The following ARTN variants were observed in gnomAD, a reference collection of about 807,000 sequenced individuals.
ARTN encodes artemin.
ARTN carries 9 observed loss-of-function variants against 15.4 expected under a neutral mutation model. That is an observed-to-expected ratio of 0.58 (90% CI 0.35 to 1.02). The LOEUF (loss-of-function observed/expected upper bound fraction) is 1.02. ARTN is among the 50% of genes least tolerant of loss of function. The pLI is 0.02. For synonymous variants in ARTN, 163 were observed against 155.8 expected (o/e 1.05, Z -0.35); for missense variants, 284 against 327.9 (o/e 0.87, Z 1.03).
Position 43,936,508 on chromosome 1 carries a change from G to T in ARTN, c.406G>T (p.Gly136Cys). The T allele has an allele frequency of 7.1e-7, 1 of 1,414,292 alleles. No homozygotes were observed. The highest frequency in any genetic ancestry group is 3.0e-5 in the Admixed American group (1 of 33,594). The allele number at this position is 1,414,292 out of a possible 1,614,324, so 87.6% of individuals were successfully genotyped here. A position where few individuals can be genotyped will look rare whatever the true frequency, so the allele number is the denominator to read the frequency against. ...GCAGCTGGTGCCGGTGCGCGCGCTCGGCCTGGGCCACCGCTCCGACGAGCT... is the reference window on the plus strand; with the variant it reads ...GCAGCTGGTGCCGGTGCGCGCGCTCTGCCTGGGCCACCGCTCCGACGAGCT... ...RSQLVPVRAL[G>C]LGHRSDELVR... The change falls in exon 5 of 5, where the codon GGC becomes TGC. Residue 136 changes from glycine to cysteine, a missense_variant. Physicochemically the swap from Gly to Cys is radical, Grantham distance 159 (BLOSUM62 -3). Transcript: ENST00000372359. This position sits in a 1 kb window ranked among gnomAD's most constrained non-coding sequence, Gnocchi z 6.6.
Position 43,936,351 on chromosome 1 carries a change from G to A in ARTN, c.249G>A (p.Pro83=), listed in dbSNP as rs1453533292. The change falls in exon 5 of 5, where the codon CCG becomes CCA. Residue 83 remains proline, a synonymous_variant. Transcript: ENST00000372359. The surrounding 1 kb of genome is among the most constrained non-coding windows in gnomAD (Gnocchi z 6.6). ...WCSGRARRPP[P]QPSRPAPPPP... is the part of the protein sequence containing the mutation. ...GTGGAAGAGCCCGGCGGCCGCCGCC[G>A]CAGCCTTCTCGGCCCGCGCCCCCGC... The A allele has an allele frequency of 3.0e-6, 4 of 1,319,156 alleles. No homozygotes were observed. Among genetic ancestry groups the A allele is most frequent in the Non-Finnish European group, 3.8e-6 (4 of 1,040,560 alleles). The allele number at this position is 1,319,156 out of a possible 1,614,324, so 81.7% of individuals were successfully genotyped here.
rs1390636062 is a variant in ARTN at position 43,936,281 on chromosome 1, C to T, written c.200-21C>T. The T allele has an allele frequency of 3.6e-6, 5 of 1,383,090 alleles. No homozygotes were observed. Among genetic ancestry groups the T allele is most frequent in the Non-Finnish European group, 4.6e-6 (5 of 1,078,484 alleles). The allele number at this position is 1,383,090 out of a possible 1,614,324, so 85.7% of individuals were successfully genotyped here. On this transcript the variant is annotated intron_variant, in intron 4 of 4. Transcript: ENST00000372359. The surrounding 1 kb of genome is among the most constrained non-coding windows in gnomAD (Gnocchi z 6.6). Reference sequence around the variant, plus strand: ...GGCGGGGCTGGCCCGGGACACCGCGCGTGACTGGGTCTCATTCCAGGGGGA... The same window carrying T: ...GGCGGGGCTGGCCCGGGACACCGCGTGTGACTGGGTCTCATTCCAGGGGGA...
intron 3 of ARTN, 137 bp downstream of exon 3, chr1:43,935,853 G>A: frequency 1.1e-6 from 1 of 945,548 alleles, no homozygotes; most frequent in Non-Finnish European, 1.6e-6. Flanking sequence ...TGAATGGGAG[G>A]AGGAGCGGGA....
In ARTN at chr1:43,936,788, G is replaced by T; in HGVS notation, c.*23G>T. On this transcript the variant is annotated 3_prime_UTR_variant, in exon 5 of 5. Transcript: ENST00000372359. This position sits in a 1 kb window ranked among gnomAD's most constrained non-coding sequence, Gnocchi z 6.6. ...TGAGGGCTCGCTCCAGGGCTTTGCAGACTGGACCCTTACCGGTGGCTCTTC... is the reference window on the plus strand; with the variant it reads ...TGAGGGCTCGCTCCAGGGCTTTGCATACTGGACCCTTACCGGTGGCTCTTC... 1.4e-6 allele frequency: 2 copies of T among 1,421,004 alleles called. No homozygotes were observed. Among genetic ancestry groups the T allele is most frequent in the South Asian group, 1.6e-5 (1 of 62,530 alleles). The allele number at this position is 1,421,004 out of a possible 1,614,324, so 88.0% of individuals were successfully genotyped here. A position where few individuals can be genotyped will look rare whatever the true frequency, so the allele number is the denominator to read the frequency against.
At position 43,936,857 on chromosome 1, in the gene ARTN, A is replaced by G; in HGVS notation, c.*92A>G. On this transcript the variant is annotated 3_prime_UTR_variant, in exon 5 of 5. Coordinates refer to ENST00000372359, the MANE Select transcript of ARTN (RefSeq NM_057091.3). The surrounding 1 kb of genome is among the most constrained non-coding windows in gnomAD (Gnocchi z 6.6). ...CAGAGTCCCACTAGCCAGCGGCCTC[A>G]GCCAGGGACGAAGGCCTCAAAGCTG... 1 of 1,321,266 alleles carries G rather than the reference A, an allele frequency of 7.6e-7. No individual in the cohort carries two copies. The highest frequency in any genetic ancestry group is 9.7e-7 in the Non-Finnish European group (1 of 1,030,494). 81.8% of individuals were successfully genotyped at this position (1,321,266 alleles called of 1,614,324 possible).
In ARTN at chr1:43,935,725, T is replaced by C. The variant is rs759199705; in HGVS notation, c.60+9T>C. ...CCTGGCCTAGGCAGCAGGTGAGTGG[T>C]TCTCCCAGTGACTCCTACCTGGTAC... On this transcript the variant is annotated intron_variant, in intron 3 of 4. Coordinates refer to ENST00000372359, the MANE Select transcript of ARTN (RefSeq NM_057091.3). 8.1e-5 allele frequency: 130 copies of C among 1,608,098 alleles called. No homozygotes were observed. The highest frequency in any genetic ancestry group is 1.1e-4 in the Non-Finnish European group (128 of 1,177,458).
intron 2 of ARTN, among the ~76,000 whole-genome samples, chr1:43,934,806 A>C (rs1218418276): frequency 6.6e-6 from 1 of 152,072 alleles, no homozygotes; most frequent in Non-Finnish European, 1.5e-5. Context: ...GCTCTCAGAG[A>C]CCAGGCTGGT....
rs574983049 is a variant in ARTN at position 43,935,861 on chromosome 1, G to A, written c.60+145G>A. The stretch of plus-strand genomic sequence containing the variant: ...GACCAGGTGAATGGGAGGAGGAGCG[G>A]GACTTCTCTGAATGGTCGGTGCACT... On this transcript the variant is annotated intron_variant, in intron 3 of 4. Coordinates refer to ENST00000372359, the MANE Select transcript of ARTN (RefSeq NM_057091.3). The A allele has an allele frequency of 8.7e-6, 8 of 923,138 alleles. No homozygotes were observed. The Admixed American group carries it at 1.7e-4, about 20-fold the overall frequency. The allele number at this position is 923,138 out of a possible 1,614,324, so 57.2% of individuals were successfully genotyped here.
intron 2 of ARTN, 190 bp downstream of exon 2, chr1:43,934,450 C>G (rs563584112): frequency 6.6e-6 from 1 of 152,590 alleles, no homozygotes; most frequent in South Asian, 2.1e-4. Context: ...ACTGGCCTGG[C>G]TCGGAGGCCT....
At chr1:43,935,792 G>T (rs2085085123) in intron 3 of ARTN, 76 bp downstream of exon 3, 2 of 1,433,808 alleles carry the variant, frequency 1.4e-6, no homozygotes, top group Non-Finnish European at 1.9e-6. Flanking sequence ...GCAGGGCTTG[G>T]CTTGGGCAGC....
At position 43,936,488 on chromosome 1, in the gene ARTN, T is replaced by A; in HGVS notation, c.386T>A (p.Leu129Gln). Residue 129 changes from leucine (L) to glutamine (Q), a missense_variant, in exon 5 of 5, where the codon CTG becomes CAG. Physicochemically the swap from Leu to Gln is moderately radical, Grantham distance 113. Coordinates refer to ENST00000372359, the MANE Select transcript of ARTN (RefSeq NM_057091.3). This position sits in a 1 kb window ranked among gnomAD's most constrained non-coding sequence, Gnocchi z 6.6. Reference sequence around the variant, plus strand: ...CGGGGCTGCCGCCTGCGCTCGCAGCTGGTGCCGGTGCGCGCGCTCGGCCTG... The same window carrying A: ...CGGGGCTGCCGCCTGCGCTCGCAGCAGGTGCCGGTGCGCGCGCTCGGCCTG... ...GARGCRLRSQ[L>Q]VPVRALGLGH... The A allele has an allele frequency of 7.5e-7, 1 of 1,328,288 alleles. No individual in the cohort carries two copies. Among genetic ancestry groups the A allele is most frequent in the Non-Finnish European group, 9.6e-7 (1 of 1,039,938 alleles). 82.3% of individuals were successfully genotyped at this position (1,328,288 alleles called of 1,614,324 possible). A position where few individuals can be genotyped will look rare whatever the true frequency, so the allele number is the denominator to read the frequency against.
intron 2 of ARTN, among the ~76,000 whole-genome samples, chr1:43,934,861 G>A (rs2085074420): frequency 6.6e-6 from 1 of 152,198 alleles, no homozygotes; most frequent in East Asian, 1.9e-4. Flanking sequence ...AGGCCTGAGT[G>A]TAGCTGAGGG....
chr1:43,936,508 G>C lies in ARTN; in HGVS notation c.406G>C (p.Gly136Arg), dbSNP rs1402444946. 1 of 1,414,292 alleles carries C rather than the reference G, an allele frequency of 7.1e-7. No homozygotes were observed. Among genetic ancestry groups the C allele is most frequent in the East Asian group, 3.1e-5 (1 of 32,474 alleles). The allele number at this position is 1,414,292 out of a possible 1,614,324, so 87.6% of individuals were successfully genotyped here. A position where few individuals can be genotyped will look rare whatever the true frequency, so the allele number is the denominator to read the frequency against. Residue 136 changes from glycine to arginine, a missense_variant, in exon 5 of 5, where the codon GGC becomes CGC. Coordinates refer to ENST00000372359, the MANE Select transcript of ARTN (RefSeq NM_057091.3). This position sits in a 1 kb window ranked among gnomAD's most constrained non-coding sequence, Gnocchi z 6.6. ...GCAGCTGGTGCCGGTGCGCGCGCTC[G>C]GCCTGGGCCACCGCTCCGACGAGCT... ...RSQLVPVRALGLGHRSDELVR... is the reference protein window; with the variant it reads ...RSQLVPVRALRLGHRSDELVR...
Position 43,936,449 on chromosome 1 carries a change from G to T in ARTN, c.347G>T (p.Arg116Leu). 1 of 1,152,362 alleles carries T rather than the reference G, an allele frequency of 8.7e-7. No individual in the cohort carries two copies. The highest frequency in any genetic ancestry group is 4.2e-5 in the South Asian group (1 of 23,712). The allele number at this position is 1,152,362 out of a possible 1,614,324, so 71.4% of individuals were successfully genotyped here. The change falls in exon 5 of 5, where the codon CGG (arginine) becomes CTG (leucine). Residue 116 changes from arginine (R) to leucine (L), a missense_variant. Physicochemically the swap from Arg to Leu is moderately radical, Grantham distance 102. Coordinates refer to ENST00000372359, the MANE Select transcript of ARTN (RefSeq NM_057091.3). The surrounding 1 kb of genome is among the most constrained non-coding windows in gnomAD (Gnocchi z 6.6). ...GCTGGGGGCCCGGGCAGCCGCGCTC[G>T]GGCAGCGGGGGCGCGGGGCTGCCGC... ...ARAGGPGSRA[R>L]AAGARGCRLR...
At position 43,936,204 on chromosome 1, in the gene ARTN, C is replaced by T. The variant is rs1238493019; in HGVS notation, c.172C>T (p.Leu58=). 5 of 1,497,580 alleles carry T rather than the reference C, an allele frequency of 3.3e-6. No homozygotes were observed. The highest frequency in any genetic ancestry group is 4.5e-5 in the Admixed American group (2 of 44,870). 92.8% of individuals were successfully genotyped at this position (1,497,580 alleles called of 1,614,324 possible). A position where few individuals can be genotyped will look rare whatever the true frequency, so the allele number is the denominator to read the frequency against. Residue 58 remains leucine, a synonymous_variant, in exon 4 of 5, where the codon CTG becomes TTG. Coordinates refer to ENST00000372359, the MANE Select transcript of ARTN (RefSeq NM_057091.3). The surrounding 1 kb of genome is among the most constrained non-coding windows in gnomAD (Gnocchi z 6.6). ...CCCCCGCGAAGGCCCCCCGCCTGTCCTGGCGTCCCCCGCCGGCCACCTGCC... is the reference window on the plus strand; with the variant it reads ...CCCCCGCGAAGGCCCCCCGCCTGTCTTGGCGTCCCCCGCCGGCCACCTGCC... The part of the protein sequence containing the change: ...PAPREGPPPV[L]ASPAGHLPGG...
rs1418161602 is a variant in ARTN, at chr1:43,936,124, C to T, written c.92C>T (p.Ala31Val). Reference protein sequence around the residue: ...PALWPTLAALALLSSVAEASL... With the variant: ...PALWPTLAALVLLSSVAEASL... The stretch of plus-strand genomic sequence containing the variant: ...CTGTGGCCCACCCTGGCCGCTCTGG[C>T]TCTGCTGAGCAGCGTCGCAGAGGCC... The change falls in exon 4 of 5, where the codon GCT becomes GTT. Residue 31 changes from alanine (A) to valine (V), a missense_variant. Coordinates refer to ENST00000372359, the MANE Select transcript of ARTN (RefSeq NM_057091.3). This position sits in a 1 kb window ranked among gnomAD's most constrained non-coding sequence, Gnocchi z 6.6. 2.5e-6 allele frequency: 4 copies of T among 1,606,580 alleles called. No homozygotes were observed. The African/African-American group carries it at 5.3e-5, about 21-fold the overall frequency.
At chr1:43,935,553 T>C (rs113785268) in intron 2 of ARTN, 37 bp from the exon 3 acceptor site, 56,327 of 1,227,464 alleles carry the variant, frequency 0.046, 1,689 homozygotes, top group East Asian at 0.14. Context: ...GGCAGGCCGG[T>C]CCCCCACAAA....
At position 43,936,643 on chromosome 1, in the gene ARTN, C is replaced by T; in HGVS notation, c.541C>T (p.Arg181Trp). 6.3e-7 allele frequency: 1 copy of T among 1,594,268 alleles called. No individual in the cohort carries two copies. The highest frequency in any genetic ancestry group is 1.1e-5 in the South Asian group (1 of 88,432). The change falls in exon 5 of 5, where the codon CGG (arginine) becomes TGG (tryptophan). Residue 181 changes from arginine to tryptophan, a missense_variant. Transcript: ENST00000372359. The surrounding 1 kb of genome is among the most constrained non-coding windows in gnomAD (Gnocchi z 6.6). Reference sequence around the variant, plus strand: ...GGCCCTGCGACCGCCCCCGGGCTCCCGGCCCGTCAGCCAGCCCTGCTGCCG... The same window carrying T: ...GGCCCTGCGACCGCCCCCGGGCTCCTGGCCCGTCAGCCAGCCCTGCTGCCG... ...AGALRPPPGS[R>W]PVSQPCCRPT...
At position 43,936,110 on chromosome 1, in the gene ARTN, C is replaced by A. The variant is rs1435824959; in HGVS notation, c.78C>A (p.Thr26=). The A allele has an allele frequency of 2.7e-5, 43 of 1,609,910 alleles. No homozygotes were observed. The highest frequency in any genetic ancestry group is 3.5e-5 in the Non-Finnish European group (41 of 1,179,852). Residue 26 remains threonine, a synonymous_variant, in exon 4 of 5, where the codon ACC becomes ACA. Transcript: ENST00000372359. This position sits in a 1 kb window ranked among gnomAD's most constrained non-coding sequence, Gnocchi z 6.6. The part of the protein sequence containing the change: ...WPRQQPALWP[T]LAALALLSSV... ...CCGCGCAGCCTGCCCTGTGGCCCAC[C>A]CTGGCCGCTCTGGCTCTGCTGAGCA...
Sources: gnomAD v4.1 joint callset for allele counts (sites outside exome capture counted in the v4.1 genomes callset) on GRCh38, gnomAD v4.1.1 for gene constraint, Gnocchi (gnomAD v3.1) non-coding constraint, MANE v1.5 for transcripts, NCBI Gene and HGNC (gene_info 2026-07-23, HGNC 2026-07-21) for gene names.